Variants in PIEZO2 observed in about 807,000 individuals in gnomAD.
PIEZO2 encodes the protein piezo type mechanosensitive ion channel component 2, also known as piezo-type mechanosensitive ion channel component 2.
PIEZO2 carries 172 observed loss-of-function variants against 337.3 expected under a neutral mutation model. That is an observed-to-expected ratio of 0.51 (90% CI 0.45 to 0.58). The LOEUF (loss-of-function observed/expected upper bound fraction) is 0.58, where lower values mean the gene tolerates loss of function less well. Ranked by LOEUF, PIEZO2 falls within the 20% of genes least tolerant of loss-of-function variation. The pLI, the probability that PIEZO2 is intolerant of heterozygous loss-of-function variation, is 0.00. For missense variants in PIEZO2, 3,028 were observed against 3,391.3 expected, an observed-to-expected ratio of 0.89 and a Z score of 2.66; for synonymous variants, 1,251 against 1,228.5, an observed-to-expected ratio of 1.02 and a Z score of -0.38.
intron 16 of PIEZO2, among the ~76,000 whole-genome samples, 198 bp from the exon 17 acceptor site, chr18:10,785,155 CT>C (rs1224445404): frequency 6.6e-6 from 1 of 152,146 alleles, no homozygotes; most frequent in Non-Finnish European, 1.5e-5. Flanking sequence ...AATAATAAAC[CT>C]TGACATTCCC....
At chr18:10,729,623 CAA>C (rs374976832) in intron 36 of PIEZO2, among the ~76,000 whole-genome samples, 6 of 124,740 alleles carry the variant, frequency 4.8e-5, no homozygotes, top group Non-Finnish European at 4.9e-5. Flanking sequence ...GACTCTGTCT[CAA>C]AAAAAAAAAA....
chr18:10,711,403 A>G (rs2035813962), intron 39 of PIEZO2, among the ~76,000 whole-genome samples: 1 of 152,150 alleles, frequency 6.6e-6, no homozygotes, highest in African/African-American at 2.4e-5. Context: ...CATGTGTGAT[A>G]CTCAGGAGGC....
intron 1 of PIEZO2, among the ~76,000 whole-genome samples, chr18:11,134,594 G>A (rs12966389): frequency 0.26 from 39,967 of 151,982 alleles, 6,321 homozygotes; most frequent in Middle Eastern, 0.46. Flanking sequence ...TGTGCTCCCA[G>A]GACATTAGTG....
chr18:11,122,184 T>A (rs1362766139), intron 1 of PIEZO2, among the ~76,000 whole-genome samples: 2 of 152,142 alleles, frequency 1.3e-5, no homozygotes, highest in African/African-American at 4.8e-5. Context: ...CTTGATCTCC[T>A]CACCTCATGA....
intron 7 of PIEZO2, among the ~76,000 whole-genome samples, chr18:10,827,601 C>T (rs1187006503): frequency 6.6e-6 from 1 of 152,126 alleles, no homozygotes; most frequent in East Asian, 1.9e-4. Context: ...ACTCACCAGG[C>T]TTACAAAGAC....
At chr18:10,842,924 G>A (rs2144616568) in intron 7 of PIEZO2, among the ~76,000 whole-genome samples, 1 of 152,306 alleles carries the variant, frequency 6.6e-6, no homozygotes, top group South Asian at 2.1e-4. Flanking sequence ...ATTCTGTAGG[G>A]AAAATTTAAA....
rs2036750943 is a variant in PIEZO2 at position 11,031,886 on chromosome 18, A to G, written c.160+34241T>C. On this transcript the variant is annotated intron_variant, in intron 2 of 55. Coordinates refer to ENST00000674853, the MANE Select transcript of PIEZO2 (RefSeq NM_001378183.1). This position sits in a 1 kb window ranked among gnomAD's most constrained non-coding sequence, Gnocchi z 4.7. ...ATTTTATAATCCATTTGGCTGCTGAATATTAGCCCAACCCTTTATTCTCAC... is the reference window on the plus strand; with the variant it reads ...ATTTTATAATCCATTTGGCTGCTGAGTATTAGCCCAACCCTTTATTCTCAC... Among the ~76,000 whole-genome samples the G allele has an allele frequency of 6.6e-6, 1 of 152,184 alleles. No individual in the cohort carries two copies. Among genetic ancestry groups the G allele is most frequent in the Admixed American group, 6.5e-5 (1 of 15,286 alleles).
chr18:11,037,752 C>A (rs2036973654), intron 2 of PIEZO2, among the ~76,000 whole-genome samples: 2 of 152,114 alleles, frequency 1.3e-5, no homozygotes, highest in African/African-American at 4.8e-5. Context: ...TGACTTGGTG[C>A]CTAACTGAAG....
intron 2 of PIEZO2, among the ~76,000 whole-genome samples, chr18:11,039,935 C>T (rs1238081516): frequency 2.0e-5 from 3 of 152,078 alleles, no homozygotes; most frequent in Admixed American, 6.6e-5. Context: ...CTCCCCACCC[C>T]GTATAGACAC....
intron 37 of PIEZO2, among the ~76,000 whole-genome samples, chr18:10,717,477 G>C (rs1332325484): frequency 6.6e-6 from 1 of 152,190 alleles, no homozygotes; most frequent in Non-Finnish European, 1.5e-5. Context: ...CCACAAAGGC[G>C]CTCCAAAGCA....
rs180937000 is a variant in PIEZO2 at position 11,031,964 on chromosome 18, G to T, written c.160+34163C>A. On this transcript the variant is annotated intron_variant, in intron 2 of 55. Coordinates refer to ENST00000674853, the MANE Select transcript of PIEZO2 (RefSeq NM_001378183.1). The surrounding 1 kb of genome is among the most constrained non-coding windows in gnomAD (Gnocchi z 4.7). The stretch of plus-strand genomic sequence containing the variant: ...ACTCGTTCTCTCTCTGTCTTTCTCT[G>T]TTTCTCTCTGTCTCTCTCTCACACA... 6.6e-6 allele frequency among the ~76,000 whole-genome samples: 1 copy of T among 152,094 alleles called. No homozygotes were observed. The highest frequency in any genetic ancestry group is 1.5e-5 in the Non-Finnish European group (1 of 68,022).
At chr18:11,007,622 G>A (rs1333639090) in intron 2 of PIEZO2, among the ~76,000 whole-genome samples, 1 of 152,000 alleles carries the variant, frequency 6.6e-6, no homozygotes, top group Non-Finnish European at 1.5e-5. Context: ...AGAAGCCAGA[G>A]AAAAAGAATA....
At chr18:10,752,422 T>C (rs1274846684) in intron 28 of PIEZO2, among the ~76,000 whole-genome samples, 2 of 152,230 alleles carry the variant, frequency 1.3e-5, no homozygotes, top group Middle Eastern at 3.2e-3. Flanking sequence ...CCTTTAGCCA[T>C]GTGGCCTTGA....
intron 40 of PIEZO2, among the ~76,000 whole-genome samples, chr18:10,706,950 T>C (rs1026404231): frequency 6.6e-6 from 1 of 152,104 alleles, no homozygotes; most frequent in Non-Finnish European, 1.5e-5. Flanking sequence ...GATACCAGTA[T>C]AGACATATGG....
At chr18:10,711,523 C>T (rs1246071754) in intron 39 of PIEZO2, among the ~76,000 whole-genome samples, 6 of 152,062 alleles carry the variant, frequency 3.9e-5, no homozygotes, top group Admixed American at 3.9e-4. Context: ...TAAAAAATGT[C>T]ACCAATTACT....
At position 10,705,556 on chromosome 18, in the gene PIEZO2, C is replaced by A. The variant is rs1363203501; in HGVS notation, c.5779G>T (p.Glu1927Ter). 1 of 1,537,262 alleles carries A rather than the reference C, an allele frequency of 6.5e-7. No homozygotes were observed. The highest frequency in any genetic ancestry group is 8.7e-7 in the Non-Finnish European group (1 of 1,146,908). ...AEEASLTPEEELTQFSTLDGD... is the reference protein window; with the variant it reads ...AEEASLTPEE ...TCCAAGGTGGAGAACTGTGTCAGCT[C>A]TTCCTCTGGGGTGAGGCTGGCCTCC... Residue 1927 changes from glutamate to a stop codon, truncating the protein, a stop_gained, in exon 41 of 56, where the codon GAG (glutamate) becomes TAG (stop). Coordinates refer to ENST00000674853, the MANE Select transcript of PIEZO2 (RefSeq NM_001378183.1). LOFTEE classifies it high-confidence loss of function.
chr18:10,800,097 A>G lies in PIEZO2; in HGVS notation c.1378+240T>C, dbSNP rs72986076. Among the ~76,000 whole-genome samples the G allele has an allele frequency of 0.28, 42,581 of 152,096 alleles. 6,980 individuals are homozygous for G. Among genetic ancestry groups the G allele is most frequent in the Middle Eastern group, 0.41 (120 of 294 alleles). On this transcript the variant is annotated intron_variant, in intron 11 of 55. Transcript: ENST00000674853. ...CCTAAGTTGACATGTTTAAAATACT[A>G]TTTTCACCTTTTATTTTAAAAGTTT...
At chr18:10,776,940 G>A (rs1451060210) in intron 18 of PIEZO2, among the ~76,000 whole-genome samples, 1 of 152,102 alleles carries the variant, frequency 6.6e-6, no homozygotes, top group African/African-American at 2.4e-5. Context: ...ATTCTTTACT[G>A]AACATCAGGC....
rs941459196 is a variant in PIEZO2, at chr18:10,795,042, C to T, written c.1528-40G>A. 15 of 1,489,538 alleles carry T rather than the reference C, an allele frequency of 1.0e-5. No homozygotes were observed. Among genetic ancestry groups the T allele is most frequent in the Admixed American group, 2.0e-5 (1 of 50,808 alleles). The allele number at this position is 1,489,538 out of a possible 1,614,324, so 92.3% of individuals were successfully genotyped here. On this transcript the variant is annotated intron_variant, in intron 12 of 55. Transcript: ENST00000674853. This position sits in a 1 kb window ranked among gnomAD's most constrained non-coding sequence, Gnocchi z 4.4. ...AAAGGAAACACGACCATGGTCAATA[C>T]AATGCTCAGTCCCCCCCGCCCTGGT...
Sources: allele counts gnomAD v4.1 joint callset (sites outside exome capture counted in the v4.1 genomes callset), GRCh38; gene constraint gnomAD v4.1.1; non-coding constraint Gnocchi (gnomAD v3.1); transcripts MANE v1.5; gene names NCBI Gene and HGNC (gene_info 2026-07-23, HGNC 2026-07-21).